The following OPCML variants were observed in gnomAD, a reference collection of about 807,000 sequenced individuals.
OPCML encodes opioid-binding protein/cell adhesion molecule.
OPCML carries 13 observed loss-of-function variants against 37.8 expected under a neutral mutation model. That is an observed-to-expected ratio of 0.34 (90% CI 0.22 to 0.55). The LOEUF (loss-of-function observed/expected upper bound fraction) is 0.55, where lower values mean the gene tolerates loss of function less well. Among genes scored for constraint, OPCML ranks in the 20% least tolerant of loss-of-function variants. OPCML has a pLI of 0.91. For synonymous variants in OPCML, 176 were observed against 168.8 expected (o/e 1.04, Z -0.33); for missense variants, 341 against 435.6 (o/e 0.78, Z 1.93).
intron 3 of OPCML, among the ~76,000 whole-genome samples, chr11:132,607,689 T>C (rs1266279877): frequency 6.6e-6 from 1 of 152,244 alleles, no homozygotes; most frequent in Non-Finnish European, 1.5e-5. Context: ...TCATTAGCTG[T>C]GTAATTTTAG....
chr11:133,427,184 C>A (rs1412438517), intron 1 of OPCML, among the ~76,000 whole-genome samples: 1 of 151,988 alleles, frequency 6.6e-6, no homozygotes, highest in African/African-American at 2.4e-5. Context: ...TGACCACGGA[C>A]CTTATAAAAC....
At chr11:132,539,578 G>C (rs1389169157) in intron 3 of OPCML, among the ~76,000 whole-genome samples, 1 of 152,096 alleles carries the variant, frequency 6.6e-6, no homozygotes. Context: ...TAAAGGTGGT[G>C]ATAAACATAG....
At chr11:132,509,830 T>A (rs1423269623) in intron 4 of OPCML, among the ~76,000 whole-genome samples, 2 of 152,106 alleles carry the variant, frequency 1.3e-5, no homozygotes, top group Non-Finnish European at 2.9e-5. Flanking sequence ...GCAGAAGGGA[T>A]ATGTGGGGTG....
chr11:132,879,823 G>A (rs1943158651), intron 2 of OPCML, among the ~76,000 whole-genome samples: 1 of 152,120 alleles, frequency 6.6e-6, no homozygotes, highest in South Asian at 2.1e-4. Context: ...TCATACATGA[G>A]CCATTTTGGG....
Position 132,688,739 on chromosome 11 carries a change from C to T in OPCML, c.147-31420G>A, listed in dbSNP as rs1181404735. ...CGGGTGGATCATGAGGTCAGGAGAT[C>T]GAGACCATCCTGGCTAACAAGGTGA... On this transcript the variant is annotated intron_variant, in intron 2 of 7. Coordinates refer to ENST00000524381, the MANE Select transcript of OPCML (RefSeq NM_001012393.5). Among the ~76,000 whole-genome samples, 4 of 34,458 alleles carry T rather than the reference C, an allele frequency of 1.2e-4. 1 individual carries two copies. The highest frequency in any genetic ancestry group is 7.4e-4 in the Admixed American group (2 of 2,704). 22.6% of individuals were successfully genotyped at this position (34,458 alleles called of 152,430 possible). A position where few individuals can be genotyped will look rare whatever the true frequency, so the allele number is the denominator to read the frequency against.
chr11:132,678,796 G>A (rs535239137), intron 2 of OPCML, among the ~76,000 whole-genome samples: 13 of 152,288 alleles, frequency 8.5e-5, no homozygotes, highest in East Asian at 1.9e-4. Flanking sequence ...TAATACTAGC[G>A]TGGTGGCTCT....
At chr11:132,713,644 G>A (rs1003690941) in intron 2 of OPCML, among the ~76,000 whole-genome samples, 17 of 152,080 alleles carry the variant, frequency 1.1e-4, no homozygotes, top group African/African-American at 3.6e-4. Context: ...AAATGGATTC[G>A]GCCAGAAATC....
intron 1 of OPCML, among the ~76,000 whole-genome samples, chr11:133,060,441 T>A (rs1948320825): frequency 6.6e-6 from 1 of 152,170 alleles, no homozygotes; most frequent in African/African-American, 2.4e-5. Context: ...AGAAGACAGT[T>A]CTCCACCCTT....
At chr11:132,518,378 C>T (rs1248447243) in intron 4 of OPCML, among the ~76,000 whole-genome samples, 4 of 152,220 alleles carry the variant, frequency 2.6e-5, no homozygotes, top group Non-Finnish European at 5.9e-5. Flanking sequence ...CTTCCAGCTT[C>T]ATCCATGTCC....
At chr11:132,948,834 A>C (rs537492824) in intron 1 of OPCML, among the ~76,000 whole-genome samples, 1 of 152,316 alleles carries the variant, frequency 6.6e-6, no homozygotes, top group South Asian at 2.1e-4. Context: ...AAAAGATGGG[A>C]GTGAAAGGTT....
chr11:132,550,252 A>G (rs575016577), intron 3 of OPCML, among the ~76,000 whole-genome samples: 2 of 152,284 alleles, frequency 1.3e-5, no homozygotes, highest in African/African-American at 4.8e-5. Context: ...CCCTGCCCAA[A>G]TCTCATGTTG....
At chr11:132,499,800 T>G (rs1456690476) in intron 4 of OPCML, among the ~76,000 whole-genome samples, 1 of 152,200 alleles carries the variant, frequency 6.6e-6, no homozygotes, top group African/African-American at 2.4e-5. Context: ...GCACAGCTCA[T>G]GTCCGTGACT....
At chr11:133,518,399 G>T (rs1329836216) in intron 1 of OPCML, among the ~76,000 whole-genome samples, 1 of 152,060 alleles carries the variant, frequency 6.6e-6, no homozygotes, top group East Asian at 1.9e-4. Flanking sequence ...AAGTGTGTGT[G>T]TGCATAGGGA....
Position 133,206,473 on chromosome 11 carries a change from CTA to C in OPCML, c.62-263465_62-263464del, listed in dbSNP as rs1170110790. On this transcript the variant is annotated intron_variant, in intron 1 of 7. Coordinates refer to ENST00000524381, the MANE Select transcript of OPCML (RefSeq NM_001012393.5). The surrounding 1 kb of genome is among the most constrained non-coding windows in gnomAD (Gnocchi z 4.7). ...CTTTCAGCTCTTGAACTGCTGGATT[CTA>C]TGATTCTTCCGTTAAAGTTGTGAAA... Among the ~76,000 whole-genome samples the C allele has an allele frequency of 6.6e-6, 1 of 152,180 alleles. No homozygotes were observed. Among genetic ancestry groups the C allele is most frequent in the Non-Finnish European group, 1.5e-5 (1 of 68,032 alleles).
rs551616221 is a variant in OPCML, at chr11:132,531,070, T to C, written c.380-1884A>G. Among the ~76,000 whole-genome samples, 34 of 152,322 alleles carry C rather than the reference T, an allele frequency of 2.2e-4. No individual in the cohort carries two copies. In the South Asian group the frequency reaches 6.8e-3, roughly 31 times the overall value. On this transcript the variant is annotated intron_variant, in intron 3 of 7. Coordinates refer to ENST00000524381, the MANE Select transcript of OPCML (RefSeq NM_001012393.5). ...CTGTGTATGGCAGTTTATTGTCTTC[T>C]GACTGTCTTTGCACCTAGAGGATGA...
At chr11:132,997,531 G>A (rs1244285234) in intron 1 of OPCML, among the ~76,000 whole-genome samples, 1 of 152,196 alleles carries the variant, frequency 6.6e-6, no homozygotes, top group Non-Finnish European at 1.5e-5. Context: ...TGGAGAGACA[G>A]TGCTGTATGC....
intron 1 of OPCML, among the ~76,000 whole-genome samples, chr11:133,181,262 A>T (rs144873871): frequency 6.6e-6 from 1 of 151,906 alleles, no homozygotes; most frequent in African/African-American, 2.4e-5. Flanking sequence ...ACAGCGGTGC[A>T]CAAGGAAAAC....
intron 3 of OPCML, among the ~76,000 whole-genome samples, chr11:132,598,347 G>T (rs2096495756): frequency 6.6e-6 from 1 of 152,066 alleles, no homozygotes; most frequent in Non-Finnish European, 1.5e-5. Context: ...GTGACCCCTT[G>T]CAGGCTACCT....
At chr11:132,868,341 T>C (rs1942655726) in intron 2 of OPCML, among the ~76,000 whole-genome samples, 2 of 147,966 alleles carry the variant, frequency 1.4e-5, no homozygotes, top group South Asian at 4.3e-4. Context: ...GGATATATTA[T>C]ATATGTTTGG....
Sources: gnomAD v4.1 joint callset for allele counts (sites outside exome capture counted in the v4.1 genomes callset) on GRCh38, gnomAD v4.1.1 for gene constraint, Gnocchi (gnomAD v3.1) non-coding constraint, MANE v1.5 for transcripts, NCBI Gene and HGNC (gene_info 2026-07-23, HGNC 2026-07-21) for gene names.